IRF2: variants seen among roughly 807,000 people sequenced by gnomAD.
The protein encoded by IRF2 is interferon regulatory factor 2.
A neutral mutation model predicts 40.6 loss-of-function variants in IRF2; 15 were observed. That is an observed-to-expected ratio of 0.37 (90% CI 0.25 to 0.57). The LOEUF (loss-of-function observed/expected upper bound fraction) is 0.57, where lower values mean the gene tolerates loss of function less well. IRF2 is among the 20% of genes least tolerant of loss of function. IRF2 has a pLI of 0.77. For missense variants in IRF2, 317 were observed against 455.7 expected (o/e 0.70, Z 2.77); for synonymous variants, 151 against 165.5 (o/e 0.91, Z 0.67).
chr4:184,443,420 A>C (rs1738386290), intron 1 of IRF2, among the ~76,000 whole-genome samples: 1 of 152,070 alleles, frequency 6.6e-6, no homozygotes, highest in Admixed American at 6.5e-5. Context: ...CCTCATGTCC[A>C]TGTGTACTCA....
chr4:184,416,322 A>AC (rs1737267597), intron 5 of IRF2, among the ~76,000 whole-genome samples: 1 of 143,434 alleles, frequency 7.0e-6, no homozygotes, highest in Non-Finnish European at 1.5e-5. Flanking sequence ...TGTCTCAAAA[A>AC]AAAAACAAAA....
chr4:184,404,463 T>C (rs1270559116), intron 6 of IRF2, among the ~76,000 whole-genome samples: 1 of 152,220 alleles, frequency 6.6e-6, no homozygotes, highest in Non-Finnish European at 1.5e-5. Flanking sequence ...CACTTCATCC[T>C]CACAATAACT....
intron 1 of IRF2, among the ~76,000 whole-genome samples, chr4:184,454,483 C>G (rs1012087551): frequency 3.3e-5 from 5 of 152,186 alleles, no homozygotes; most frequent in Non-Finnish European, 7.3e-5. Flanking sequence ...AGGAATACCT[C>G]CGAAGCAAGA....
intron 7 of IRF2, among the ~76,000 whole-genome samples, chr4:184,392,481 C>T (rs1003505509): frequency 1.4e-4 from 22 of 152,222 alleles, no homozygotes; most frequent in African/African-American, 7.2e-5. Flanking sequence ...AGGGGTCCCA[C>T]GTCAGCAAGC....
At chr4:184,449,236 C>T (rs536942405) in intron 1 of IRF2, among the ~76,000 whole-genome samples, 2 of 152,356 alleles carry the variant, frequency 1.3e-5, no homozygotes, top group South Asian at 4.1e-4. Flanking sequence ...CCTGTCCTTA[C>T]CCCACAAGCC....
intron 6 of IRF2, among the ~76,000 whole-genome samples, chr4:184,405,672 C>A (rs1224664739): frequency 6.6e-6 from 1 of 152,096 alleles, no homozygotes; most frequent in Non-Finnish European, 1.5e-5. Flanking sequence ...AGGTGACAGC[C>A]AAGGCAGGCC....
intron 1 of IRF2, among the ~76,000 whole-genome samples, chr4:184,473,774 C>T (rs1739620081): frequency 6.7e-6 from 1 of 148,652 alleles, no homozygotes; most frequent in Admixed American, 6.6e-5. Context: ...GGAGGCGCTC[C>T]TCCCGGCCGG....
intron 1 of IRF2, chr4:184,431,945 A>G (rs915723310): frequency 1.3e-5 from 2 of 151,990 alleles, no homozygotes; most frequent in Non-Finnish European, 2.9e-5. Flanking sequence ...GACCCCCTCC[A>G]GCCCACAGTG....
chr4:184,425,687 A>G (rs1737643073), intron 2 of IRF2, among the ~76,000 whole-genome samples: 1 of 152,246 alleles, frequency 6.6e-6, no homozygotes, highest in Non-Finnish European at 1.5e-5. Context: ...CAGATGAGTG[A>G]CGCTCAGCAG....
chr4:184,462,579 C>G (rs1252525957), intron 1 of IRF2, among the ~76,000 whole-genome samples: 1 of 152,134 alleles, frequency 6.6e-6, no homozygotes, highest in Non-Finnish European at 1.5e-5. Context: ...TAGCAGCTTC[C>G]AAATGTTTAT....
chr4:184,423,830 C>T (rs1737568410), intron 2 of IRF2, among the ~76,000 whole-genome samples: 1 of 152,196 alleles, frequency 6.6e-6, no homozygotes, highest in African/African-American at 2.4e-5. Flanking sequence ...GAGTCATAAA[C>T]ACCAAACACA....
intron 1 of IRF2, among the ~76,000 whole-genome samples, chr4:184,432,390 G>A (rs765363456): frequency 3.3e-5 from 5 of 152,220 alleles, no homozygotes; most frequent in African/African-American, 1.2e-4. Flanking sequence ...TTGTCACATC[G>A]TTGTGCTTTT....
At chr4:184,457,580 A>G (rs1280768884) in intron 1 of IRF2, among the ~76,000 whole-genome samples, 1 of 152,200 alleles carries the variant, frequency 6.6e-6, no homozygotes, top group Non-Finnish European at 1.5e-5. Flanking sequence ...TTCAAAACAA[A>G]CAAAAGAGAG....
At chr4:184,389,581 T>C (rs937786999) in intron 8 of IRF2, among the ~76,000 whole-genome samples, 2 of 152,184 alleles carry the variant, frequency 1.3e-5, no homozygotes, top group Non-Finnish European at 2.9e-5. Context: ...TGCCAAGTAA[T>C]GGTTTTTCTT....
intron 6 of IRF2, among the ~76,000 whole-genome samples, chr4:184,400,967 T>C (rs1379045696): frequency 2.0e-5 from 3 of 152,266 alleles, no homozygotes; most frequent in African/African-American, 7.2e-5. Flanking sequence ...TACCTGTATC[T>C]GTTATTTTAA....
chr4:184,443,455 A>G (rs1197555959), intron 1 of IRF2, among the ~76,000 whole-genome samples: 1 of 152,194 alleles, frequency 6.6e-6, no homozygotes, highest in African/African-American at 2.4e-5. Flanking sequence ...CTTATAAGTG[A>G]GAACATGTGG....
chr4:184,422,819 A>C (rs568584309), intron 2 of IRF2, among the ~76,000 whole-genome samples: 93 of 152,312 alleles, frequency 6.1e-4, no homozygotes, highest in African/African-American at 2.2e-3. Flanking sequence ...GGGAAATGGG[A>C]AGTGACTGAT....
chr4:184,456,596 G>A (rs888644852), intron 1 of IRF2, among the ~76,000 whole-genome samples: 1 of 152,252 alleles, frequency 6.6e-6, no homozygotes, highest in African/African-American at 2.4e-5. Flanking sequence ...GTCCAGCCAG[G>A]GCACACACCC....
At chr4:184,406,266 G>A (rs1736851264) in intron 6 of IRF2, among the ~76,000 whole-genome samples, 1 of 144,208 alleles carries the variant, frequency 6.9e-6, no homozygotes, top group Non-Finnish European at 1.5e-5. Context: ...GTCTCCCTCT[G>A]TCACCCAGGC....
Sources: gnomAD v4.1 joint callset for allele counts (sites outside exome capture counted in the v4.1 genomes callset) on GRCh38, gnomAD v4.1.1 for gene constraint, MANE v1.5 for transcripts, NCBI Gene and HGNC (gene_info 2026-07-23, HGNC 2026-07-21) for gene names.